TENM2: variants seen among roughly 807,000 people sequenced by gnomAD.
The protein encoded by TENM2 is teneurin-2.
A neutral mutation model predicts 245.2 loss-of-function variants in TENM2; 52 were observed. The observed-to-expected ratio is 0.21, with a 90% CI of 0.17 to 0.27. The LOEUF (loss-of-function observed/expected upper bound fraction) is 0.27, where lower values mean the gene tolerates loss of function less well. TENM2 is among the 10% of genes least tolerant of loss of function. The pLI is 1.00. For synonymous variants in TENM2, 1,363 were observed against 1,438.9 expected, an observed-to-expected ratio of 0.95 and a Z score of 1.19; for missense variants, 3,046 against 3,666.8, an observed-to-expected ratio of 0.83 and a Z score of 4.37.
intron 3 of TENM2, among the ~76,000 whole-genome samples, chr5:167,930,960 C>A (rs931514377): frequency 6.6e-6 from 1 of 152,114 alleles, no homozygotes; most frequent in Non-Finnish European, 1.5e-5. Flanking sequence ...GTCAGTGCCA[C>A]CTTTAGCCAA....
chr5:167,112,696 A>T, the TENM2 span, among the ~76,000 whole-genome samples: 1 of 152,248 alleles, frequency 6.6e-6, no homozygotes, highest in African/African-American at 2.4e-5. Flanking sequence ...CATTTTCATT[A>T]TAATTAATTC....
chr5:168,108,791 C>G (rs553240947), intron 9 of TENM2, among the ~76,000 whole-genome samples: 6 of 152,220 alleles, frequency 3.9e-5, no homozygotes, highest in Non-Finnish European at 5.9e-5. Flanking sequence ...GCTCTCTGAG[C>G]CCCCTCTGGC....
chr5:167,193,801 G>C, the TENM2 span, among the ~76,000 whole-genome samples: 2 of 152,032 alleles, frequency 1.3e-5, no homozygotes, highest in Non-Finnish European at 2.9e-5. Context: ...AGTGCTTACT[G>C]TGTTCAAAGT....
the TENM2 span, among the ~76,000 whole-genome samples, chr5:167,253,684 A>G: frequency 6.6e-6 from 1 of 152,122 alleles, no homozygotes; most frequent in Non-Finnish European, 1.5e-5. Context: ...TTACTCTTTA[A>G]GATGATTAAT....
the TENM2 span, among the ~76,000 whole-genome samples, chr5:167,198,931 C>T: frequency 2.4e-4 from 37 of 151,824 alleles, no homozygotes; most frequent in African/African-American, 8.5e-4. Context: ...CCTGGTGAGC[C>T]GTGCTTGGTC....
intron 1 of TENM2, among the ~76,000 whole-genome samples, chr5:167,321,539 A>C (rs1376856690): frequency 6.6e-6 from 1 of 152,002 alleles, no homozygotes; most frequent in African/African-American, 2.4e-5. Context: ...AACGTTCCTT[A>C]ACTTTGGTCT....
At chr5:167,014,504 G>T in the TENM2 span, among the ~76,000 whole-genome samples, 204 of 152,242 alleles carry the variant, frequency 1.3e-3, no homozygotes, top group Non-Finnish European at 2.4e-3. Flanking sequence ...CGTGTTGGCA[G>T]GTCTATATTC....
rs113476167 is a variant in TENM2 at position 167,721,357 on chromosome 5, C to T, written c.503-154629C>T. ...TTCTATTGCTGTCATAACAGATTAC[C>T]ACCAACAGACGCTTAAGCGAACACA... On this transcript the variant is annotated intron_variant, in intron 2 of 28. Coordinates refer to ENST00000518659, the Ensembl canonical transcript of TENM2. The T allele has an allele frequency of 2.3e-3, 352 of 152,250 alleles. 1 individual carries two copies. Among genetic ancestry groups the T allele is most frequent in the African/African-American group, 8.0e-3 (334 of 41,552 alleles). 9.4% of individuals were successfully genotyped at this position (152,250 alleles called of 1,614,324 possible).
At chr5:167,437,080 A>C (rs919694714) in intron 2 of TENM2, among the ~76,000 whole-genome samples, 3 of 152,190 alleles carry the variant, frequency 2.0e-5, no homozygotes, top group African/African-American at 7.2e-5. Context: ...TCCAGACCCC[A>C]GAATGGTAGA....
At chr5:168,047,529 C>T in exon 6 of TENM2, 1 of 1,551,706 alleles carries the variant, frequency 6.4e-7, no homozygotes, top group Non-Finnish European at 8.7e-7. Flanking sequence ...GATGTGGCAA[C>T]AATGCCATCT....
intron 2 of TENM2, among the ~76,000 whole-genome samples, chr5:167,504,902 T>A (rs1477191561): frequency 6.6e-6 from 1 of 152,208 alleles, no homozygotes; most frequent in African/African-American, 2.4e-5. Flanking sequence ...CATTGCTTCC[T>A]TCTCTTTTTT....
At chr5:168,234,808 A>G (rs946576203) in intron 25 of TENM2, among the ~76,000 whole-genome samples, 5 of 152,272 alleles carry the variant, frequency 3.3e-5, no homozygotes, top group Admixed American at 3.3e-4. Flanking sequence ...AGATTGCAGA[A>G]GCAAGAAACA....
intron 23 of TENM2, among the ~76,000 whole-genome samples, chr5:168,219,638 G>A (rs923318629): frequency 2.0e-5 from 3 of 151,940 alleles, no homozygotes; most frequent in Non-Finnish European, 4.4e-5. Context: ...GATGCTGGTT[G>A]GAGGAAGTTA....
chr5:167,648,566 G>A (rs1477709945), intron 2 of TENM2, among the ~76,000 whole-genome samples: 1 of 152,112 alleles, frequency 6.6e-6, no homozygotes, highest in Non-Finnish European at 1.5e-5. Flanking sequence ...TCTCCTAACA[G>A]GGCCTGGAAA....
At chr5:167,492,403 C>T (rs1768488475) in intron 2 of TENM2, among the ~76,000 whole-genome samples, 1 of 151,944 alleles carries the variant, frequency 6.6e-6, no homozygotes, top group Admixed American at 6.6e-5. Flanking sequence ...TGGCATCTGG[C>T]AAGGATACAA....
At chr5:167,687,312 T>C (rs1011931285) in intron 2 of TENM2, among the ~76,000 whole-genome samples, 3 of 152,162 alleles carry the variant, frequency 2.0e-5, no homozygotes, top group Admixed American at 6.5e-5. Flanking sequence ...AGTGTAATTG[T>C]CAATATGTAT....
chr5:167,703,882 T>C (rs761561845), intron 2 of TENM2, among the ~76,000 whole-genome samples: 2 of 142,514 alleles, frequency 1.4e-5, no homozygotes, highest in African/African-American at 2.8e-5. Flanking sequence ...TTAGGTGTTT[T>C]GTTGTGCTTC....
chr5:167,318,648 A>G (rs1361819479), intron 1 of TENM2, among the ~76,000 whole-genome samples: 5 of 152,208 alleles, frequency 3.3e-5, no homozygotes, highest in African/African-American at 1.2e-4. Flanking sequence ...AGCTGAGTCA[A>G]AAAGAATGGT....
intron 6 of TENM2, among the ~76,000 whole-genome samples, chr5:168,051,046 C>A (rs1046771923): frequency 4.6e-5 from 7 of 152,136 alleles, no homozygotes; most frequent in African/African-American, 1.7e-4. Context: ...TTGAGAAAGA[C>A]GATTCAATAC....
Sources: gnomAD v4.1 joint callset for allele counts (sites outside exome capture counted in the v4.1 genomes callset) on GRCh38, gnomAD v4.1.1 for gene constraint, MANE v1.5 for transcripts, NCBI Gene and HGNC (gene_info 2026-07-23, HGNC 2026-07-21) for gene names.